Variants in CCDC3 observed in about 807,000 individuals in gnomAD.
The protein encoded by CCDC3 is coiled-coil domain containing 3.
In CCDC3, 24 loss-of-function variants were observed where a neutral mutation model predicts 21.4. The observed-to-expected ratio is 1.12, with a 90% CI of 0.81 to 1.58. CCDC3 has a LOEUF of 1.58. Among genes scored for constraint, CCDC3 ranks in the 40% most tolerant of loss-of-function variants. The pLI is 0.00. For missense variants in CCDC3, 425 were observed against 360.9 expected, an observed-to-expected ratio of 1.18 and a Z score of -1.44; for synonymous variants, 186 against 166.0, an observed-to-expected ratio of 1.12 and a Z score of -0.93.
chr10:13,007,320 G>A (rs1213741975), intron 5 of CCDC3, among the ~76,000 whole-genome samples: 1 of 152,134 alleles, frequency 6.6e-6, no homozygotes, highest in Non-Finnish European at 1.5e-5. Context: ...GGGAAGCTCT[G>A]GCATCTCAGC....
At chr10:12,988,006 T>A (rs1030629338) in intron 2 of CCDC3, among the ~76,000 whole-genome samples, 3 of 152,266 alleles carry the variant, frequency 2.0e-5, no homozygotes, top group Admixed American at 2.0e-4. Flanking sequence ...GCTGCCAGAG[T>A]GTTCCTTTTC....
intron 2 of CCDC3, among the ~76,000 whole-genome samples, chr10:12,981,177 A>ACTT (rs761040220): frequency 1.9e-5 from 2 of 105,558 alleles, no homozygotes; most frequent in African/African-American, 3.9e-5. Context: ...CTGGCCCAGG[A>ACTT]TTTTTTTTTT....
intron 5 of CCDC3, among the ~76,000 whole-genome samples, chr10:13,042,922 A>G (rs1431876879): frequency 6.7e-6 from 1 of 149,732 alleles, no homozygotes; most frequent in Non-Finnish European, 1.5e-5. Context: ...AAAAAAAAAA[A>G]AAAAAGAAAA....
At chr10:12,986,728 G>A (rs1461396178) in intron 2 of CCDC3, among the ~76,000 whole-genome samples, 2 of 150,982 alleles carry the variant, frequency 1.3e-5, no homozygotes, top group South Asian at 2.1e-4. Flanking sequence ...AGCCGAGATC[G>A]TGCCACTGCA....
upstream of CCDC3, among the ~76,000 whole-genome samples, chr10:13,002,220 T>C (rs1376636422): frequency 2.6e-5 from 4 of 152,222 alleles, no homozygotes; most frequent in African/African-American, 9.6e-5. Context: ...CATTTGGCCC[T>C]GATTTTCTTG....
chr10:13,014,458 G>GAA lies in CCDC3; in HGVS notation c.-1-15948_-1-15947dup, dbSNP rs59613788. ...GAGTGAGACTCTGTCTCAAAAAAAA[G>GAA]AAAAAAAAAAAAGAAAAAAAAAAGA... is the stretch of plus-strand genomic sequence containing the variant. On this transcript the variant is annotated intron_variant, in intron 5 of 6. Transcript: ENST00000378839. Among the ~76,000 whole-genome samples, 40 of 78,338 alleles carry GAA rather than the reference G, an allele frequency of 5.1e-4. 1 individual carries two copies. The highest frequency in any genetic ancestry group is 1.2e-3 in the South Asian group (3 of 2,554). 51.4% of individuals were successfully genotyped at this position (78,338 alleles called of 152,430 possible).
At chr10:13,029,772 G>A (rs542416703) in intron 5 of CCDC3, among the ~76,000 whole-genome samples, 20 of 152,226 alleles carry the variant, frequency 1.3e-4, no homozygotes, top group East Asian at 3.9e-4. Flanking sequence ...CAAACGAAGC[G>A]AGAAGAGAAG....
chr10:13,024,792 G>A (rs1836193891), intron 5 of CCDC3, among the ~76,000 whole-genome samples: 1 of 152,070 alleles, frequency 6.6e-6, no homozygotes, highest in African/African-American at 2.4e-5. Context: ...AGTTTATTAG[G>A]TATGTTTTCT....
intron 4 of CCDC3, among the ~76,000 whole-genome samples, chr10:13,052,926 A>G (rs1272697893): frequency 6.7e-6 from 1 of 149,122 alleles, no homozygotes; most frequent in Non-Finnish European, 1.5e-5. Context: ...TGGGCAGTAG[A>G]TTGAGACTCT....
intron 5 of CCDC3, among the ~76,000 whole-genome samples, chr10:13,012,679 G>C (rs1375457555): frequency 6.6e-6 from 1 of 152,056 alleles, no homozygotes; most frequent in African/African-American, 2.4e-5. Context: ...GCTGAGGCAG[G>C]AGAATCACTT....
chr10:13,061,397 C>T (rs1836756099), intron 4 of CCDC3, among the ~76,000 whole-genome samples: 1 of 152,228 alleles, frequency 6.6e-6, no homozygotes, highest in East Asian at 1.9e-4. Context: ...GCAGCCTCAT[C>T]TCAAAGGTGA....
chr10:12,932,437 G>A (rs929879792), intron 2 of CCDC3, among the ~76,000 whole-genome samples: 1 of 152,072 alleles, frequency 6.6e-6, no homozygotes, highest in African/African-American at 2.4e-5. Context: ...TTGGAGTATG[G>A]TTTCTACTGA....
At chr10:12,983,638 T>A (rs1835540933) in intron 2 of CCDC3, among the ~76,000 whole-genome samples, 1 of 147,812 alleles carries the variant, frequency 6.8e-6, no homozygotes, top group African/African-American at 2.5e-5. Flanking sequence ...AGGGAATGTT[T>A]ACAGTCATAG....
At chr10:13,042,826 G>A (rs941856010) in intron 5 of CCDC3, among the ~76,000 whole-genome samples, 5 of 149,994 alleles carry the variant, frequency 3.3e-5, no homozygotes, top group Non-Finnish European at 7.4e-5. Flanking sequence ...GGAGAATGGC[G>A]CGAACCTGGG....
intron 5 of CCDC3, among the ~76,000 whole-genome samples, chr10:13,028,534 A>G (rs1394027359): frequency 1.3e-5 from 2 of 152,096 alleles, no homozygotes; most frequent in Non-Finnish European, 2.9e-5. Context: ...TTTTTTTCCT[A>G]ATGTGAGAAC....
intron 2 of CCDC3, among the ~76,000 whole-genome samples, chr10:12,952,652 C>T (rs937034859): frequency 6.6e-6 from 1 of 152,188 alleles, no homozygotes; most frequent in African/African-American, 2.4e-5. Context: ...TCTCCAGGTG[C>T]ATGTGGCTAT....
At chr10:12,917,468 T>C (rs1257002670) in intron 2 of CCDC3, among the ~76,000 whole-genome samples, 2 of 152,104 alleles carry the variant, frequency 1.3e-5, no homozygotes, top group Non-Finnish European at 2.9e-5. Flanking sequence ...AGTGCTGGGA[T>C]TACAGGCGTG....
At chr10:13,089,629 C>A (rs1837154582) in intron 3 of CCDC3, among the ~76,000 whole-genome samples, 1 of 151,860 alleles carries the variant, frequency 6.6e-6, no homozygotes, top group South Asian at 2.1e-4. Context: ...CAGCACCCCC[C>A]CTTAAATTGG....
At chr10:13,050,787 G>A (rs1836596360) in intron 4 of CCDC3, among the ~76,000 whole-genome samples, 1 of 151,496 alleles carries the variant, frequency 6.6e-6, no homozygotes, top group South Asian at 2.1e-4. Flanking sequence ...TTACGTTTTA[G>A]TTTGTTTTTT....
Sources: allele counts gnomAD v4.1 joint callset (sites outside exome capture counted in the v4.1 genomes callset), GRCh38; gene constraint gnomAD v4.1.1; transcripts MANE v1.5; gene names NCBI Gene and HGNC (gene_info 2026-07-23, HGNC 2026-07-21).